The following KIAA1958 variants were observed in gnomAD, a reference collection of about 807,000 sequenced individuals.
KIAA1958 encodes KIAA1958.
In KIAA1958, 14 loss-of-function variants were observed where a neutral mutation model predicts 47.2. That is an observed-to-expected ratio of 0.30 (90% CI 0.20 to 0.46). The LOEUF is 0.46. Ranked by LOEUF, KIAA1958 falls within the 20% of genes least tolerant of loss-of-function variation. KIAA1958 has a pLI of 1.00. For missense variants in KIAA1958, 803 were observed against 909.2 expected, an observed-to-expected ratio of 0.88 and a Z score of 1.50; for synonymous variants, 354 against 353.3, an observed-to-expected ratio of 1.00 and a Z score of -0.02.
intron 1 of KIAA1958, among the ~76,000 whole-genome samples, chr9:112,543,845 T>C (rs1739532535): frequency 6.6e-6 from 1 of 152,208 alleles, no homozygotes; most frequent in South Asian, 2.1e-4. Context: ...AGTTCTGAGC[T>C]TCTTAAAGTC....
chr9:112,577,815 A>G (rs1014044366), intron 2 of KIAA1958, among the ~76,000 whole-genome samples: 2 of 151,886 alleles, frequency 1.3e-5, no homozygotes, highest in African/African-American at 4.8e-5. Context: ...TGTGTGTATT[A>G]CATTCTCTTA....
At chr9:112,552,472 ACCAGGCCTGTG>A in intron 1 of KIAA1958, among the ~76,000 whole-genome samples, 1 of 152,336 alleles carries the variant, frequency 6.6e-6, no homozygotes, top group Middle Eastern at 3.4e-3. Context: ...GCCTGTGGGA[ACCAGGCCTGTG>A]CCAGGGAGGG....
intron 2 of KIAA1958, among the ~76,000 whole-genome samples, chr9:112,607,021 G>A (rs746256637): frequency 2.0e-5 from 3 of 152,178 alleles, no homozygotes; most frequent in African/African-American, 4.8e-5. Context: ...TAAAGAAGGG[G>A]TGCTGAATGC....
chr9:112,634,972 G>A (rs114681771), intron 2 of KIAA1958, among the ~76,000 whole-genome samples: 1 of 151,940 alleles, frequency 6.6e-6, no homozygotes, highest in African/African-American at 2.4e-5. Flanking sequence ...TTTTGTTTAT[G>A]ATGTGAGGTA....
rs1263403688 is a variant in KIAA1958 at position 112,666,961 on chromosome 9, A to G, written c.*6892A>G. On this transcript the variant is annotated 3_prime_UTR_variant, in exon 4 of 4. Transcript: ENST00000337530. Reference sequence around the variant, plus strand: ...AAAGCAGAGAAGGACTATTAGACCTATGGTGGCATCCCAAGAATAAAGCCC... The same window carrying G: ...AAAGCAGAGAAGGACTATTAGACCTGTGGTGGCATCCCAAGAATAAAGCCC... The G allele has an allele frequency of 6.6e-6, 1 of 152,254 alleles. No individual in the cohort carries two copies. Among genetic ancestry groups the G allele is most frequent in the Non-Finnish European group, 1.5e-5 (1 of 68,048 alleles). 9.4% of individuals were successfully genotyped at this position (152,254 alleles called of 1,614,324 possible).
chr9:112,513,652 G>A (rs1834363348), intron 1 of KIAA1958, among the ~76,000 whole-genome samples: 1 of 112,842 alleles, frequency 8.9e-6, no homozygotes, highest in Non-Finnish European at 1.8e-5. Flanking sequence ...GAGTTCAGCG[G>A]GCAGCGGAGC....
rs1377439567 is a variant in KIAA1958 at position 112,486,890 on chromosome 9, C to T, written c.-253C>T. Reference sequence around the variant, plus strand: ...AGCTCGGGGCGCACGGAGCGGCGCGCGGCGGTCGGCCGAGCCAGGCTGGCG... The same window carrying T: ...AGCTCGGGGCGCACGGAGCGGCGCGTGGCGGTCGGCCGAGCCAGGCTGGCG... On this transcript the variant is annotated 5_prime_UTR_variant, in exon 1 of 4. Coordinates refer to ENST00000337530, the MANE Select transcript of KIAA1958 (RefSeq NM_133465.4). 7.0e-6 allele frequency: 1 copy of T among 143,030 alleles called. No homozygotes were observed. Among genetic ancestry groups the T allele is most frequent in the East Asian group, 2.1e-4 (1 of 4,822 alleles). The allele number at this position is 143,030 out of a possible 1,614,324, so 8.9% of individuals were successfully genotyped here.
At chr9:112,552,321 C>G (rs936637366) in intron 1 of KIAA1958, among the ~76,000 whole-genome samples, 7 of 152,204 alleles carry the variant, frequency 4.6e-5, no homozygotes, top group African/African-American at 1.7e-4. Context: ...GGTGGACTGA[C>G]AGAGGATTAA....
chr9:112,654,222 T>C (rs1043302639), intron 3 of KIAA1958, among the ~76,000 whole-genome samples: 4 of 152,230 alleles, frequency 2.6e-5, no homozygotes, highest in African/African-American at 9.6e-5. Flanking sequence ...TTTTGGTTTT[T>C]GTTGAAAGCA....
At chr9:112,494,709 C>G (rs1042085831) in intron 1 of KIAA1958, among the ~76,000 whole-genome samples, 11 of 152,078 alleles carry the variant, frequency 7.2e-5, no homozygotes, top group Admixed American at 7.2e-4. Flanking sequence ...CTCAAATGAT[C>G]CACCTGCCTC....
chr9:112,508,151 A>G lies in KIAA1958; in HGVS notation c.-25+21033A>G, dbSNP rs73543749. ...ACTTTCTTTTAAGAATAGAAACCTT[A>G]AAGGCTTGAAAAGGATTAGGAGACT... is the stretch of plus-strand genomic sequence containing the variant. On this transcript the variant is annotated intron_variant, in intron 1 of 3. Coordinates refer to ENST00000337530, the MANE Select transcript of KIAA1958 (RefSeq NM_133465.4). Among the ~76,000 whole-genome samples the G allele has an allele frequency of 6.8e-3, 1,032 of 152,294 alleles. 17 individuals carry two copies. Among genetic ancestry groups the G allele is most frequent in the African/African-American group, 0.024 (988 of 41,548 alleles).
At chr9:112,587,099 C>T (rs1042801945) in intron 2 of KIAA1958, among the ~76,000 whole-genome samples, 8 of 152,162 alleles carry the variant, frequency 5.3e-5, no homozygotes, top group Admixed American at 3.3e-4. Flanking sequence ...ATTTATGTAA[C>T]TAATGGCTTG....
intron 3 of KIAA1958, among the ~76,000 whole-genome samples, 188 bp from the exon 4 acceptor site, chr9:112,659,075 T>TA (rs1837211970): frequency 6.7e-6 from 1 of 150,290 alleles, no homozygotes; most frequent in Non-Finnish European, 1.5e-5. Context: ...TACTGAGGTT[T>TA]AAAGAGATTA....
rs5900008 is a variant in KIAA1958 at position 112,632,908 on chromosome 9, CTTTTT to C, written c.1172-12731_1172-12727del. Among the ~76,000 whole-genome samples, 209 of 143,110 alleles carry C rather than the reference CTTTTT, an allele frequency of 1.5e-3. 1 individual carries two copies. Among genetic ancestry groups the C allele is most frequent in the Middle Eastern group, 7.2e-3 (2 of 278 alleles). 93.9% of individuals were successfully genotyped at this position (143,110 alleles called of 152,430 possible). A position where few individuals can be genotyped will look rare whatever the true frequency, so the allele number is the denominator to read the frequency against. On this transcript the variant is annotated intron_variant, in intron 2 of 3. Transcript: ENST00000337530. Reference sequence around the variant, plus strand: ...AATCTGTCTTCTTTATGGAAACAGCCTTTTTTTTTTTTTTTAAAAAAAGAGCCATT... The same window carrying C: ...AATCTGTCTTCTTTATGGAAACAGCCTTTTTTTTTTAAAAAAAGAGCCATT...
chr9:112,635,088 G>C (rs1445234891), intron 2 of KIAA1958, among the ~76,000 whole-genome samples: 2 of 152,086 alleles, frequency 1.3e-5, no homozygotes, highest in African/African-American at 4.8e-5. Context: ...TTATATAAAA[G>C]TTATGCAGTC....
Position 112,661,163 on chromosome 9 carries a change from C to T in KIAA1958, c.*1094C>T, listed in dbSNP as rs1247227233. ...ACATGTCATCATTTTAGGATGGCAC[C>T]AATACTTGGGACACGATGATTTAGG... On this transcript the variant is annotated 3_prime_UTR_variant, in exon 4 of 4. Transcript: ENST00000337530. 2 of 152,116 alleles carry T rather than the reference C, an allele frequency of 1.3e-5. No homozygotes were observed. Among genetic ancestry groups the T allele is most frequent in the Admixed American group, 1.3e-4 (2 of 15,268 alleles). 9.4% of individuals were successfully genotyped at this position (152,116 alleles called of 1,614,324 possible).
chr9:112,626,190 T>TGTAGAAATTCAAACTTACTTA (rs1836606367), intron 2 of KIAA1958, among the ~76,000 whole-genome samples: 1 of 152,218 alleles, frequency 6.6e-6, no homozygotes, highest in Non-Finnish European at 1.5e-5. Flanking sequence ...AGTAAGTAGA[T>TGTAGAAATTCAAACTTACTTA]GTAGAAATTC....
At chr9:112,643,157 A>C (rs529823137) in intron 2 of KIAA1958, among the ~76,000 whole-genome samples, 25 of 152,344 alleles carry the variant, frequency 1.6e-4, no homozygotes, top group African/African-American at 5.3e-4. Context: ...TCTAAATTGC[A>C]TTCTTTACTG....
intron 3 of KIAA1958, among the ~76,000 whole-genome samples, chr9:112,657,076 A>AT (rs958664307): frequency 2.6e-5 from 4 of 151,684 alleles, no homozygotes; most frequent in African/African-American, 9.7e-5. Context: ...TAGTCCATTA[A>AT]TTTTTTATTT....
Sources: gnomAD v4.1 joint callset for allele counts (sites outside exome capture counted in the v4.1 genomes callset) on GRCh38, gnomAD v4.1.1 for gene constraint, MANE v1.5 for transcripts, NCBI Gene and HGNC (gene_info 2026-07-23, HGNC 2026-07-21) for gene names.